CROT: variants seen among roughly 807,000 people sequenced by gnomAD.
CROT encodes peroxisomal carnitine O-octanoyltransferase.
A neutral mutation model predicts 89.2 loss-of-function variants in CROT; 84 were observed. The ratio of observed to expected loss-of-function variants is 0.94; its 90% CI spans 0.79 to 1.13. CROT has a LOEUF of 1.13. Among genes scored for constraint, CROT ranks in the 50% most tolerant of loss-of-function variants. The pLI, the probability that CROT is intolerant of heterozygous loss-of-function variation, is 0.00. For synonymous variants in CROT, 212 were observed against 239.5 expected (o/e 0.89, Z 1.06); for missense variants, 711 against 727.8 (o/e 0.98, Z 0.27).
At chr7:87,354,644 T>G (rs1806001437) in intron 3 of CROT, among the ~76,000 whole-genome samples, 1 of 152,062 alleles carries the variant, frequency 6.6e-6, no homozygotes, top group Non-Finnish European at 1.5e-5. Flanking sequence ...ATGAGAAAGC[T>G]GAAGGAAAGA....
At chr7:87,366,898 G>A (rs1242510750) in intron 6 of CROT, among the ~76,000 whole-genome samples, 3 of 152,208 alleles carry the variant, frequency 2.0e-5, no homozygotes, top group African/African-American at 4.8e-5. Context: ...GCACTACGGT[G>A]CTATCTTCCT....
chr7:87,375,876 G>GA lies in CROT; in HGVS notation c.805dup (p.Ile269AsnfsTer4). On this transcript the variant is annotated frameshift_variant, in exon 9 of 18. Transcript: ENST00000331536. LOFTEE classifies it high-confidence loss of function. The stretch of plus-strand genomic sequence containing the variant: ...TGATCCAGAGAACTTGGCTTTGTTA[G>GA]AAAAAATTCAGAGTAGTTTACTGGT... 1.9e-6 allele frequency: 3 copies of GA among 1,613,374 alleles called. No individual in the cohort carries two copies. The highest frequency in any genetic ancestry group is 2.5e-6 in the Non-Finnish European group (3 of 1,179,542).
At chr7:87,394,335 T>C (rs1435783604) in intron 17 of CROT, among the ~76,000 whole-genome samples, 1 of 152,208 alleles carries the variant, frequency 6.6e-6, no homozygotes, top group Non-Finnish European at 1.5e-5. Flanking sequence ...TTTATTCTCA[T>C]GTATTTTTCA....
At chr7:87,377,300 CA>C in intron 9 of CROT, 48 bp from the exon 10 acceptor site, 2 of 1,171,138 alleles carry the variant, frequency 1.7e-6, no homozygotes, top group Non-Finnish European at 2.5e-6. Flanking sequence ...TAAATTCTTA[CA>C]AACCAATATT....
At position 87,391,611 on chromosome 7, in the gene CROT, GC is replaced by G; in HGVS notation, c.1325del (p.Ala442ValfsTer2). The stretch of plus-strand genomic sequence containing the variant: ...TAGCCCTGGTTGTTGCTATGAAACA[GC>G]TATGACAAGACATTTTTATCATGGC... ...HGHPGCCYET[A>X]MTRHFYHGRT... is the part of the protein sequence containing the mutation. On this transcript the variant is annotated frameshift_variant, in exon 14 of 18. Coordinates refer to ENST00000331536, the MANE Select transcript of CROT (RefSeq NM_021151.4). LOFTEE classifies it high-confidence loss of function. 6.2e-7 allele frequency: 1 copy of G among 1,601,538 alleles called. No homozygotes were observed. Among genetic ancestry groups the G allele is most frequent in the Non-Finnish European group, 8.5e-7 (1 of 1,176,418 alleles).
intron 17 of CROT, among the ~76,000 whole-genome samples, chr7:87,395,160 A>C (rs984687696): frequency 3.3e-5 from 5 of 152,204 alleles, no homozygotes; most frequent in African/African-American, 4.8e-5. Context: ...CAAGAAAGCC[A>C]GTTTGAGTCC....
chr7:87,370,247 A>G (rs1028316482), intron 7 of CROT, among the ~76,000 whole-genome samples: 16 of 152,298 alleles, frequency 1.1e-4, no homozygotes, highest in East Asian at 3.9e-4. Context: ...CAGAGGCACA[A>G]TCTCGGCTCA....
At chr7:87,351,465 T>G (rs1258582829) in intron 3 of CROT, among the ~76,000 whole-genome samples, 1 of 151,684 alleles carries the variant, frequency 6.6e-6, no homozygotes, top group African/African-American at 2.4e-5. Flanking sequence ...CCCAACAGTT[T>G]TTCTGGTTTA....
At chr7:87,383,172 A>G (rs994038831) in intron 13 of CROT, among the ~76,000 whole-genome samples, 1 of 152,154 alleles carries the variant, frequency 6.6e-6, no homozygotes. Flanking sequence ...ATTGTTAACT[A>G]TAGTCAACCT....
intron 10 of CROT, among the ~76,000 whole-genome samples, chr7:87,380,637 A>G (rs907161483): frequency 6.6e-6 from 1 of 152,194 alleles, no homozygotes; most frequent in African/African-American, 2.4e-5. Context: ...CAAATAAAGC[A>G]TCAGGATAGC....
chr7:87,369,561 C>A, intron 7 of CROT, 77 bp downstream of exon 7: 1 of 814,708 alleles, frequency 1.2e-6, no homozygotes. Context: ...TTAGAATTGC[C>A]TTTCAAGGTG....
intron 17 of CROT, among the ~76,000 whole-genome samples, chr7:87,396,119 G>A (rs986441651): frequency 3.3e-5 from 5 of 152,164 alleles, no homozygotes; most frequent in African/African-American, 1.2e-4. Context: ...AAAAGTGGAG[G>A]GTGAAGGATT....
intron 13 of CROT, among the ~76,000 whole-genome samples, chr7:87,386,570 T>G (rs529933659): frequency 6.6e-6 from 1 of 152,186 alleles, no homozygotes; most frequent in Non-Finnish European, 1.5e-5. Context: ...TACCTACAGA[T>G]TTGTCAATAT....
intron 17 of CROT, among the ~76,000 whole-genome samples, chr7:87,397,625 G>A (rs576836782): frequency 3.3e-5 from 5 of 152,216 alleles, no homozygotes; most frequent in South Asian, 2.1e-4. Context: ...AGAATGATTC[G>A]TGATCATGAA....
At chr7:87,356,161 T>C (rs1806062088) in intron 3 of CROT, among the ~76,000 whole-genome samples, 1 of 151,976 alleles carries the variant, frequency 6.6e-6, no homozygotes, top group South Asian at 2.1e-4. Flanking sequence ...TTGTATCTTT[T>C]GTAGAGATGG....
rs553546707 is a variant in CROT at position 87,348,255 on chromosome 7, CAT to C, written c.-21-792_-21-791del. ...AATTTACAAAGGCTTTGAGAAACCT[CAT>C]TTTTTATTTAGCATTTGTATACCTT... On this transcript the variant is annotated intron_variant, in intron 2 of 17. Coordinates refer to ENST00000331536, the MANE Select transcript of CROT (RefSeq NM_021151.4). Among the ~76,000 whole-genome samples the C allele has an allele frequency of 2.9e-3, 442 of 151,936 alleles. 1 individual carries two copies. Among genetic ancestry groups the C allele is most frequent in the African/African-American group, 0.01 (423 of 41,470 alleles).
chr7:87,370,886 T>C (rs1806610805), intron 7 of CROT, among the ~76,000 whole-genome samples: 1 of 152,222 alleles, frequency 6.6e-6, no homozygotes. Flanking sequence ...TATGTTCAGC[T>C]TCAATAGATA....
chr7:87,395,004 A>G (rs1807481928), intron 17 of CROT, among the ~76,000 whole-genome samples: 1 of 152,138 alleles, frequency 6.6e-6, no homozygotes, highest in Admixed American at 6.5e-5. Flanking sequence ...AAAATGCCAC[A>G]AAGGACATTT....
chr7:87,352,260 T>C (rs1805892953), intron 3 of CROT, among the ~76,000 whole-genome samples: 1 of 152,226 alleles, frequency 6.6e-6, no homozygotes, highest in Non-Finnish European at 1.5e-5. Flanking sequence ...TGTTAAGGTA[T>C]GCCATCAATG....
Sources: gnomAD v4.1 joint callset for allele counts (sites outside exome capture counted in the v4.1 genomes callset) on GRCh38, gnomAD v4.1.1 for gene constraint, MANE v1.5 for transcripts, NCBI Gene and HGNC (gene_info 2026-07-23, HGNC 2026-07-21) for gene names.